Variants in LRRC8C observed in about 807,000 individuals in gnomAD.
LRRC8C encodes leucine rich repeat containing 8 VRAC subunit C, also known as volume-regulated anion channel subunit LRRC8C.
LRRC8C carries 20 observed loss-of-function variants against 55.3 expected under a neutral mutation model. The ratio of observed to expected loss-of-function variants is 0.36; its 90% CI spans 0.25 to 0.53. The LOEUF (loss-of-function observed/expected upper bound fraction) is 0.53, where lower values mean the gene tolerates loss of function less well. LRRC8C is among the 20% of genes least tolerant of loss of function. The pLI, the probability that LRRC8C is intolerant of heterozygous loss-of-function variation, is 0.92. For synonymous variants in LRRC8C, 376 were observed against 360.7 expected (o/e 1.04, Z -0.48); for missense variants, 659 against 951.4 (o/e 0.69, Z 4.04).
intron 1 of LRRC8C, among the ~76,000 whole-genome samples, chr1:89,637,346 G>A (rs1339170115): frequency 6.6e-6 from 1 of 151,552 alleles, no homozygotes; most frequent in Non-Finnish European, 1.5e-5. Flanking sequence ...TAATGAGCAA[G>A]GAGGATTTCA....
intron 1 of LRRC8C, among the ~76,000 whole-genome samples, chr1:89,681,880 G>A (rs541444683): frequency 9.9e-5 from 15 of 152,180 alleles, no homozygotes; most frequent in East Asian, 1.9e-4. Flanking sequence ...ATGCACATAC[G>A]CATTTACTCA....
chr1:89,618,610 C>T, the LRRC8C span, among the ~76,000 whole-genome samples: 7 of 151,922 alleles, frequency 4.6e-5, no homozygotes, highest in African/African-American at 7.3e-5. Flanking sequence ...AGAGGAGAGA[C>T]GTGGAAATGC....
Position 89,719,122 on chromosome 1 carries a change from C to A in LRRC8C, c.*4140C>A, listed in dbSNP as rs534463939. On this transcript the variant is annotated 3_prime_UTR_variant, in exon 3 of 3. Transcript: ENST00000370454. ...TTGAAAGGTGGAGGAGGATCTCCCC[C>A]TGCCCAAAGGAATTTTTTTATCAGA... The A allele has an allele frequency of 6.6e-6, 1 of 152,276 alleles. No individual in the cohort carries two copies. Among genetic ancestry groups the A allele is most frequent in the Non-Finnish European group, 1.5e-5 (1 of 68,016 alleles). The allele number at this position is 152,276 out of a possible 1,614,324, so 9.4% of individuals were successfully genotyped here.
intron 2 of LRRC8C, among the ~76,000 whole-genome samples, chr1:89,691,662 T>TTAGATA (rs1658030817): frequency 6.6e-6 from 1 of 152,136 alleles, no homozygotes. Flanking sequence ...GTGTAGAAGG[T>TTAGATA]TAGATAACTT....
At chr1:89,627,084 A>T in the LRRC8C span, among the ~76,000 whole-genome samples, 1 of 151,534 alleles carries the variant, frequency 6.6e-6, no homozygotes, top group South Asian at 2.1e-4. Context: ...CATTAACATA[A>T]ACCCAGGTGT....
intron 1 of LRRC8C, among the ~76,000 whole-genome samples, chr1:89,647,245 T>C (rs762462578): frequency 6.6e-5 from 10 of 152,192 alleles, no homozygotes; most frequent in Non-Finnish European, 1.5e-4. Flanking sequence ...CTAGATGCTA[T>C]TATGTATCAA....
At chr1:89,687,302 G>A (rs973634078) in intron 2 of LRRC8C, among the ~76,000 whole-genome samples, 1 of 152,148 alleles carries the variant, frequency 6.6e-6, no homozygotes, top group Non-Finnish European at 1.5e-5. Flanking sequence ...TTTGGTTTGG[G>A]AATAAGAGAA....
At position 89,700,532 on chromosome 1, in the gene LRRC8C, A is replaced by G. The variant is rs1443952645; in HGVS notation, c.139-12177A>G. Among the ~76,000 whole-genome samples the G allele has an allele frequency of 2.0e-5, 3 of 152,246 alleles. No homozygotes were observed. In the East Asian group the frequency reaches 5.8e-4, roughly 29 times the overall value. On this transcript the variant is annotated intron_variant, in intron 2 of 2. Coordinates refer to ENST00000370454, the MANE Select transcript of LRRC8C (RefSeq NM_032270.5). ...ATTACTTTTATGCCAACCTAATAGT[A>G]GATAGTAGGTATTCAATATGTTTCT...
At chr1:89,620,033 CATTT>C in the LRRC8C span, among the ~76,000 whole-genome samples, 1 of 152,106 alleles carries the variant, frequency 6.6e-6, no homozygotes, top group Non-Finnish European at 1.5e-5. Context: ...AATTTATAAA[CATTT>C]ATTGCCTTAG....
chr1:89,636,521 A>AT (rs1357836391), intron 1 of LRRC8C, among the ~76,000 whole-genome samples: 2 of 151,928 alleles, frequency 1.3e-5, no homozygotes, highest in African/African-American at 4.8e-5. Context: ...CGGAATTTGT[A>AT]TTTTTTGGCA....
intron 1 of LRRC8C, among the ~76,000 whole-genome samples, chr1:89,684,559 G>C (rs1305491540): frequency 6.6e-6 from 1 of 152,186 alleles, no homozygotes; most frequent in Non-Finnish European, 1.5e-5. Flanking sequence ...TGGAAGTCAA[G>C]ATGAATTTGT....
chr1:89,698,563 A>T (rs1257095782), intron 2 of LRRC8C, among the ~76,000 whole-genome samples: 1 of 152,140 alleles, frequency 6.6e-6, no homozygotes, highest in Non-Finnish European at 1.5e-5. Flanking sequence ...AAGGAGTTTC[A>T]CTTGATACTA....
chr1:89,704,177 T>C (rs542725281), intron 2 of LRRC8C, among the ~76,000 whole-genome samples: 70 of 152,230 alleles, frequency 4.6e-4, no homozygotes, highest in African/African-American at 1.5e-3. Context: ...CCCCAAAGAA[T>C]TCCTGGTGCT....
chr1:89,666,600 G>A (rs1209710049), intron 1 of LRRC8C, among the ~76,000 whole-genome samples: 2 of 152,102 alleles, frequency 1.3e-5, no homozygotes, highest in African/African-American at 4.8e-5. Flanking sequence ...TAAACAGGGT[G>A]CAGGTATCAT....
intron 2 of LRRC8C, among the ~76,000 whole-genome samples, chr1:89,712,328 G>A (rs920778277): frequency 6.6e-6 from 1 of 152,170 alleles, no homozygotes; most frequent in Admixed American, 6.5e-5. Flanking sequence ...GGCCAGGCTG[G>A]TTTCAAACTC....
In LRRC8C at chr1:89,691,831, G is replaced by T. The variant is rs137920424; in HGVS notation, c.138+5220G>T. On this transcript the variant is annotated intron_variant, in intron 2 of 2. Coordinates refer to ENST00000370454, the MANE Select transcript of LRRC8C (RefSeq NM_032270.5). Reference sequence around the variant, plus strand: ...TTTGGCTTATAAAACAGGATTTTCAGTGTAAAAGCAAGTACAAAATGATAA... The same window carrying T: ...TTTGGCTTATAAAACAGGATTTTCATTGTAAAAGCAAGTACAAAATGATAA... Among the ~76,000 whole-genome samples the T allele has an allele frequency of 3.2e-3, 491 of 152,232 alleles. 2 individuals are homozygous for T. Among genetic ancestry groups the T allele is most frequent in the African/African-American group, 0.011 (465 of 41,540 alleles).
In LRRC8C at chr1:89,718,025, A is replaced by G. The variant is rs1022656343; in HGVS notation, c.*3043A>G. 3.9e-5 allele frequency: 6 copies of G among 152,192 alleles called. No individual in the cohort carries two copies. Among genetic ancestry groups the G allele is most frequent in the African/African-American group, 1.4e-4 (6 of 41,458 alleles). The allele number at this position is 152,192 out of a possible 1,614,324, so 9.4% of individuals were successfully genotyped here. ...GGCCTGGTTGAAAGAGAGCATATAA[A>G]TATATCCCAGTGGAACTCACCAAAG... On this transcript the variant is annotated 3_prime_UTR_variant, in exon 3 of 3. Transcript: ENST00000370454.
rs1658896125 is a variant in LRRC8C at position 89,718,880 on chromosome 1, C to T, written c.*3898C>T. 1 of 152,200 alleles carries T rather than the reference C, an allele frequency of 6.6e-6. No homozygotes were observed. Among genetic ancestry groups the T allele is most frequent in the Non-Finnish European group, 1.5e-5 (1 of 68,024 alleles). The allele number at this position is 152,200 out of a possible 1,614,324, so 9.4% of individuals were successfully genotyped here. A position where few individuals can be genotyped will look rare whatever the true frequency, so the allele number is the denominator to read the frequency against. On this transcript the variant is annotated 3_prime_UTR_variant, in exon 3 of 3. Transcript: ENST00000370454. ...AAACAGCTTGGTTCTTAGCAGACTGCTTAAAAGATCAAGAAAATTTTCTCA... is the reference window on the plus strand; with the variant it reads ...AAACAGCTTGGTTCTTAGCAGACTGTTTAAAAGATCAAGAAAATTTTCTCA...
Position 89,714,883 on chromosome 1 carries a change from G to A in LRRC8C, c.2313G>A (p.Leu771=), listed in dbSNP as rs1658767957. The A allele has an allele frequency of 6.2e-7, 1 of 1,613,958 alleles. No individual in the cohort carries two copies. The highest frequency in any genetic ancestry group is 2.2e-5 in the East Asian group (1 of 44,886). Residue 771 remains leucine, a synonymous_variant, in exon 3 of 3, where the codon CTG becomes CTA. Coordinates refer to ENST00000370454, the MANE Select transcript of LRRC8C (RefSeq NM_032270.5). This position sits in a 1 kb window ranked among gnomAD's most constrained non-coding sequence, Gnocchi z 4.6. ...ACTTTGAAATCCTCCCTCCTGAACTGGGTGACTGTCGGGCTCTGAAGCGAG... is the reference window on the plus strand; with the variant it reads ...ACTTTGAAATCCTCCCTCCTGAACTAGGTGACTGTCGGGCTCTGAAGCGAG... ...GNHFEILPPE[L]GDCRALKRAG...
Sources: gnomAD v4.1 joint callset for allele counts (sites outside exome capture counted in the v4.1 genomes callset) on GRCh38, gnomAD v4.1.1 for gene constraint, Gnocchi (gnomAD v3.1) non-coding constraint, MANE v1.5 for transcripts, NCBI Gene and HGNC (gene_info 2026-07-23, HGNC 2026-07-21) for gene names.